ZCCHC7: variants seen among roughly 807,000 people sequenced by gnomAD.
The protein encoded by ZCCHC7 is zinc finger CCHC domain-containing protein 7.
In ZCCHC7, 35 loss-of-function variants were observed where a neutral mutation model predicts 52.0. The observed-to-expected ratio is 0.67, with a 90% CI of 0.51 to 0.89. The LOEUF (loss-of-function observed/expected upper bound fraction) is 0.89, where lower values mean the gene tolerates loss of function less well. Among genes scored for constraint, ZCCHC7 ranks in the 40% least tolerant of loss-of-function variants. The pLI is 0.00. For synonymous variants in ZCCHC7, 217 were observed against 221.5 expected, an observed-to-expected ratio of 0.98 and a Z score of 0.18; for missense variants, 574 against 649.1, an observed-to-expected ratio of 0.88 and a Z score of 1.26.
chr9:37,327,767 G>A, intron 5 of ZCCHC7, 32 bp from the exon 6 acceptor site: 1 of 1,612,422 alleles, frequency 6.2e-7, no homozygotes, highest in Non-Finnish European at 8.5e-7. Flanking sequence ...CTTGTTTCAT[G>A]CTCCCAGCTG....
rs73442678 is a variant in ZCCHC7, at chr9:37,136,938, G to T, written c.610+9996G>T. On this transcript the variant is annotated intron_variant, in intron 2 of 8. Coordinates refer to ENST00000336755, the MANE Select transcript of ZCCHC7 (RefSeq NM_032226.3). ...CCGAGCCTGGCCCCAAGTTGCTTTT[G>T]AACAACATGTCTCTAGTATGGTGCT... 4.3e-3 allele frequency among the ~76,000 whole-genome samples: 649 copies of T among 152,036 alleles called. 3 individuals are homozygous for T. Among genetic ancestry groups the T allele is most frequent in the African/African-American group, 0.015 (621 of 41,488 alleles).
chr9:37,248,653 T>C (rs13291711), intron 2 of ZCCHC7, among the ~76,000 whole-genome samples: 31,661 of 152,070 alleles, frequency 0.21, 3,542 homozygotes, highest in Non-Finnish European at 0.25. Context: ...TGAAACCTGT[T>C]AGGTGCCTTC....
intron 2 of ZCCHC7, among the ~76,000 whole-genome samples, chr9:37,244,208 T>G (rs1484932135): frequency 4.6e-5 from 7 of 151,098 alleles, no homozygotes; most frequent in Admixed American, 4.6e-4. Context: ...TGGAGTAAAG[T>G]TAAGTGAATT....
In ZCCHC7 at chr9:37,216,401, G is replaced by A. The variant is rs1163856376; in HGVS notation, c.611-85787G>A. On this transcript the variant is annotated intron_variant, in intron 2 of 8. Transcript: ENST00000336755. ...AAACATATGTTTATCTTGGCCATAC[G>A]CGGTGGCTCACGCCTGTAATCCTAG... Among the ~76,000 whole-genome samples the A allele has an allele frequency of 7.9e-5, 12 of 152,134 alleles. No individual in the cohort carries two copies. The East Asian group carries it at 2.1e-3, about 27-fold the overall frequency.
chr9:37,187,218 C>T (rs562650747), intron 2 of ZCCHC7, among the ~76,000 whole-genome samples: 2 of 152,238 alleles, frequency 1.3e-5, no homozygotes, highest in East Asian at 3.9e-4. Context: ...ACTAGCAGTC[C>T]CAAACCTTTT....
intron 2 of ZCCHC7, among the ~76,000 whole-genome samples, chr9:37,294,745 T>C (rs1828704241): frequency 6.6e-6 from 1 of 152,194 alleles, no homozygotes; most frequent in African/African-American, 2.4e-5. Context: ...TATTTTCTGA[T>C]ATTATTCATA....
chr9:37,230,858 T>C (rs1298937088), intron 2 of ZCCHC7, among the ~76,000 whole-genome samples: 1 of 152,214 alleles, frequency 6.6e-6, no homozygotes, highest in African/African-American at 2.4e-5. Flanking sequence ...GAATAAGTTC[T>C]CTTTGTTAGT....
intron 2 of ZCCHC7, among the ~76,000 whole-genome samples, chr9:37,217,282 T>C (rs1223794897): frequency 6.6e-6 from 1 of 152,180 alleles, no homozygotes; most frequent in African/African-American, 2.4e-5. Flanking sequence ...ATTTCAGCAA[T>C]TATTTGTATC....
At chr9:37,260,526 G>A (rs1411101089) in intron 2 of ZCCHC7, among the ~76,000 whole-genome samples, 5 of 152,158 alleles carry the variant, frequency 3.3e-5, no homozygotes, top group Non-Finnish European at 7.4e-5. Context: ...GGCCCCTTTT[G>A]AGAGCAAGCC....
At chr9:37,220,207 A>G (rs1268319695) in intron 2 of ZCCHC7, among the ~76,000 whole-genome samples, 1 of 152,176 alleles carries the variant, frequency 6.6e-6, no homozygotes, top group Non-Finnish European at 1.5e-5. Flanking sequence ...CAGGGATCTT[A>G]TATTCTGATT....
intron 2 of ZCCHC7, among the ~76,000 whole-genome samples, chr9:37,282,969 G>T (rs1828042471): frequency 6.6e-6 from 1 of 150,922 alleles, no homozygotes; most frequent in Non-Finnish European, 1.5e-5. Flanking sequence ...ATGTGGGGTG[G>T]GGTGGGATGG....
At chr9:37,133,570 T>A (rs953925403) in intron 2 of ZCCHC7, among the ~76,000 whole-genome samples, 1 of 151,860 alleles carries the variant, frequency 6.6e-6, no homozygotes, top group Admixed American at 6.5e-5. Context: ...TTTATTTTTT[T>A]AAAATTTAAA....
rs147957465 is a variant in ZCCHC7, at chr9:37,330,835, A to G, written c.987+3001A>G. ...GTCATTTCTACTCTCATTTATATTA[A>G]AAATCCTAGGCCAATATGGCCACCA... On this transcript the variant is annotated intron_variant, in intron 6 of 8. Coordinates refer to ENST00000336755, the MANE Select transcript of ZCCHC7 (RefSeq NM_032226.3). Among the ~76,000 whole-genome samples, 31 of 151,630 alleles carry G rather than the reference A, an allele frequency of 2.0e-4. No homozygotes were observed. In the East Asian group the frequency reaches 5.8e-3, roughly 28 times the overall value.
At chr9:37,226,176 T>G (rs1467689255) in intron 2 of ZCCHC7, among the ~76,000 whole-genome samples, 2 of 152,226 alleles carry the variant, frequency 1.3e-5, no homozygotes, top group Admixed American at 1.3e-4. Flanking sequence ...ACTTGAATTT[T>G]TAAATATGCC....
chr9:37,319,171 T>G (rs913484984), intron 5 of ZCCHC7, among the ~76,000 whole-genome samples: 1 of 32,714 alleles, frequency 3.1e-5, no homozygotes. Context: ...CTTATCATCC[T>G]TATTTCTTTG....
At chr9:37,122,885 C>T (rs1300477414) in intron 1 of ZCCHC7, among the ~76,000 whole-genome samples, 2 of 152,136 alleles carry the variant, frequency 1.3e-5, no homozygotes, top group Non-Finnish European at 2.9e-5. Flanking sequence ...TGCAGTGAGC[C>T]GAGATTGCGC....
intron 2 of ZCCHC7, among the ~76,000 whole-genome samples, chr9:37,213,862 A>G (rs2133227081): frequency 1.3e-5 from 2 of 152,204 alleles, no homozygotes; most frequent in African/African-American, 2.4e-5. Flanking sequence ...TTAATATTGC[A>G]TATTTCCATT....
intron 2 of ZCCHC7, among the ~76,000 whole-genome samples, chr9:37,207,938 G>A (rs1824011361): frequency 6.6e-6 from 1 of 151,914 alleles, no homozygotes; most frequent in South Asian, 2.1e-4. Flanking sequence ...TTATGACCGA[G>A]GTTTAGTGAA....
chr9:37,290,182 A>C lies in ZCCHC7; in HGVS notation c.611-12006A>C, dbSNP rs556568518. Reference sequence around the variant, plus strand: ...TTTTGTTCATTGATATGTATATCCCAAGCATCTAGAATAGTGCTTGCAAAT... The same window carrying C: ...TTTTGTTCATTGATATGTATATCCCCAGCATCTAGAATAGTGCTTGCAAAT... On this transcript the variant is annotated intron_variant, in intron 2 of 8. Coordinates refer to ENST00000336755, the MANE Select transcript of ZCCHC7 (RefSeq NM_032226.3). 2.6e-5 allele frequency among the ~76,000 whole-genome samples: 4 copies of C among 152,358 alleles called. No individual in the cohort carries two copies. In the East Asian group the frequency reaches 7.7e-4, roughly 29 times the overall value.
Sources: gnomAD v4.1 joint callset for allele counts (sites outside exome capture counted in the v4.1 genomes callset) on GRCh38, gnomAD v4.1.1 for gene constraint, MANE v1.5 for transcripts, NCBI Gene and HGNC (gene_info 2026-07-23, HGNC 2026-07-21) for gene names.